The following PLCL2 variants were observed in gnomAD, a reference collection of about 807,000 sequenced individuals.
The protein encoded by PLCL2 is phospholipase C like 2.
A neutral mutation model predicts 79.6 loss-of-function variants in PLCL2; 4 were observed. The ratio of observed to expected loss-of-function variants is 0.05; its 90% CI spans 0.02 to 0.11. The LOEUF (loss-of-function observed/expected upper bound fraction) is 0.11, where lower values mean the gene tolerates loss of function less well. Ranked by LOEUF, PLCL2 falls within the 10% of genes least tolerant of loss-of-function variation. PLCL2 has a pLI of 1.00. For synonymous variants in PLCL2, 484 were observed against 457.7 expected (o/e 1.06, Z -0.73); for missense variants, 895 against 1,291.0 (o/e 0.69, Z 4.70).
chr3:17,030,253 G>A (rs920976693), intron 3 of PLCL2, among the ~76,000 whole-genome samples: 8 of 152,020 alleles, frequency 5.3e-5, no homozygotes, highest in African/African-American at 1.9e-4. Context: ...ACTCTACAAT[G>A]GGCATTAGAT....
chr3:17,079,623 A>G (rs746770764), intron 5 of PLCL2, among the ~76,000 whole-genome samples: 6 of 152,214 alleles, frequency 3.9e-5, no homozygotes, highest in South Asian at 2.1e-4. Flanking sequence ...AGTTTCCCCA[A>G]TTCAGACACC....
At position 17,042,994 on chromosome 3, in the gene PLCL2, T is replaced by A. The variant is rs113380254; in HGVS notation, c.3094+45T>A. ...CTCTCTTTAAATGAAATTAATAGCA[T>A]CATATACTTTGCCCCAAAACTATTT... On this transcript the variant is annotated intron_variant, in intron 4 of 5. Coordinates refer to ENST00000615277, the MANE Select transcript of PLCL2 (RefSeq NM_001144382.2). 9.9e-4 allele frequency: 1,224 copies of A among 1,240,926 alleles called. 9 individuals are homozygous for A. The African/African-American group carries it at 0.013, about 13-fold the overall frequency. 76.9% of individuals were successfully genotyped at this position (1,240,926 alleles called of 1,614,324 possible).
intron 3 of PLCL2, among the ~76,000 whole-genome samples, chr3:17,017,731 G>A (rs1371531101): frequency 6.6e-6 from 1 of 152,146 alleles, no homozygotes; most frequent in African/African-American, 2.4e-5. Flanking sequence ...TGCCTAAAGT[G>A]TGTCTTCCTG....
At chr3:16,963,179 T>G (rs1349799603) in intron 1 of PLCL2, among the ~76,000 whole-genome samples, 2 of 152,090 alleles carry the variant, frequency 1.3e-5, no homozygotes, top group African/African-American at 4.8e-5. Flanking sequence ...GATTATTTAG[T>G]GCTAATGAAA....
At chr3:16,996,059 A>C (rs1261055305) in intron 1 of PLCL2, among the ~76,000 whole-genome samples, 1 of 152,182 alleles carries the variant, frequency 6.6e-6, no homozygotes, top group African/African-American at 2.4e-5. Context: ...GGAAATCAGC[A>C]CTGGCCCCAG....
At chr3:16,915,195 A>G (rs1211494810) in intron 1 of PLCL2, among the ~76,000 whole-genome samples, 1 of 152,250 alleles carries the variant, frequency 6.6e-6, no homozygotes, top group Non-Finnish European at 1.5e-5. Context: ...GCAATGCATA[A>G]CATTAGTGAA....
Position 16,885,022 on chromosome 3 carries a change from G to A in PLCL2, c.-18G>A. 2 of 311,888 alleles carry A rather than the reference G, an allele frequency of 6.4e-6. No homozygotes were observed. The highest frequency in any genetic ancestry group is 1.2e-5 in the Non-Finnish European group (2 of 171,032). The allele number at this position is 311,888 out of a possible 1,614,324, so 19.3% of individuals were successfully genotyped here. ...GACGCGAGGACGCGGCTTTGTGCAG[G>A]CGGGTCGCGGGGCGCCCATGGCGGA... On this transcript the variant is annotated 5_prime_UTR_variant, in exon 1 of 6. Coordinates refer to ENST00000615277, the MANE Select transcript of PLCL2 (RefSeq NM_001144382.2).
chr3:16,894,234 T>C (rs1331622777), intron 1 of PLCL2, among the ~76,000 whole-genome samples: 1 of 152,238 alleles, frequency 6.6e-6, no homozygotes, highest in Non-Finnish European at 1.5e-5. Flanking sequence ...GATTTTTATT[T>C]CTATCAATCC....
intron 1 of PLCL2, among the ~76,000 whole-genome samples, chr3:16,923,824 C>T (rs940166586): frequency 3.9e-5 from 6 of 152,092 alleles, no homozygotes; most frequent in African/African-American, 1.4e-4. Flanking sequence ...TCTTTCTGCT[C>T]CTCAGATTGG....
At chr3:16,946,329 C>T (rs1224299163) in intron 1 of PLCL2, among the ~76,000 whole-genome samples, 1 of 151,894 alleles carries the variant, frequency 6.6e-6, no homozygotes, top group African/African-American at 2.4e-5. Context: ...AGTTTCCAGT[C>T]TTCGTTCTCC....
intron 5 of PLCL2, among the ~76,000 whole-genome samples, chr3:17,078,718 A>C (rs1233037713): frequency 6.6e-6 from 1 of 152,144 alleles, no homozygotes; most frequent in Non-Finnish European, 1.5e-5. Flanking sequence ...CTTCATTTTT[A>C]CCTGAGGTAC....
chr3:17,057,621 T>C (rs1482738036), intron 4 of PLCL2, among the ~76,000 whole-genome samples: 3 of 152,304 alleles, frequency 2.0e-5, no homozygotes, highest in East Asian at 1.9e-4. Flanking sequence ...ACAGATAGAA[T>C]TGGCTGTCAT....
chr3:17,066,444 G>T (rs980563803), intron 4 of PLCL2, among the ~76,000 whole-genome samples: 1 of 152,160 alleles, frequency 6.6e-6, no homozygotes, highest in African/African-American at 2.4e-5. Flanking sequence ...AGACACTAAG[G>T]AATAAAGTTG....
chr3:17,019,764 A>G (rs1057415969), intron 3 of PLCL2, among the ~76,000 whole-genome samples: 4 of 152,216 alleles, frequency 2.6e-5, no homozygotes, highest in Non-Finnish European at 5.9e-5. Flanking sequence ...TAAATGTCTG[A>G]ACACATTGTT....
At chr3:16,895,093 C>T (rs1316200858) in intron 1 of PLCL2, among the ~76,000 whole-genome samples, 1 of 142,422 alleles carries the variant, frequency 7.0e-6, no homozygotes. Flanking sequence ...TATGTTGAAA[C>T]ATGTATCTAT....
rs148753798 is a variant in PLCL2 at position 17,019,641 on chromosome 3, A to T, written c.3018+4730A>T. 5.0e-3 allele frequency among the ~76,000 whole-genome samples: 761 copies of T among 152,296 alleles called. 6 individuals carry two copies. Among genetic ancestry groups the T allele is most frequent in the African/African-American group, 0.017 (696 of 41,548 alleles). On this transcript the variant is annotated intron_variant, in intron 3 of 5. Transcript: ENST00000615277. ...TTTTTTGTTCTTGTGCCCCATAAAGATAGAAAATTCTTCATTTTGCATTTT... is the reference window on the plus strand; with the variant it reads ...TTTTTTGTTCTTGTGCCCCATAAAGTTAGAAAATTCTTCATTTTGCATTTT...
intron 4 of PLCL2, among the ~76,000 whole-genome samples, chr3:17,043,288 A>C (rs918645302): frequency 1.3e-5 from 2 of 152,190 alleles, no homozygotes; most frequent in African/African-American, 4.8e-5. Context: ...CCTGCTGGTC[A>C]CCCGTGACTC....
At chr3:17,002,412 G>C (rs1045439954) in intron 1 of PLCL2, among the ~76,000 whole-genome samples, 2 of 152,062 alleles carry the variant, frequency 1.3e-5, no homozygotes, top group Non-Finnish European at 2.9e-5. Context: ...GAATAAAAGT[G>C]GTAAAAAATG....
chr3:16,921,082 G>A (rs1351675169), intron 1 of PLCL2, among the ~76,000 whole-genome samples: 1 of 152,060 alleles, frequency 6.6e-6, no homozygotes, highest in Non-Finnish European at 1.5e-5. Context: ...TTTTATTTGT[G>A]GGCCTAGCTC....
Sources: gnomAD v4.1 joint callset for allele counts (sites outside exome capture counted in the v4.1 genomes callset) on GRCh38, gnomAD v4.1.1 for gene constraint, MANE v1.5 for transcripts, NCBI Gene and HGNC (gene_info 2026-07-23, HGNC 2026-07-21) for gene names.